NDUFS6: variants seen among roughly 807,000 people sequenced by gnomAD.
NDUFS6 encodes NADH:ubiquinone oxidoreductase subunit S6, also known as NADH dehydrogenase [ubiquinone] iron-sulfur protein 6, mitochondrial.
NDUFS6 carries 14 observed loss-of-function variants against 13.2 expected under a neutral mutation model. The observed-to-expected ratio is 1.06, with a 90% confidence interval of 0.70 to 1.66. The LOEUF (loss-of-function observed/expected upper bound fraction) is 1.66, where lower values mean the gene tolerates loss of function less well. Among genes scored for constraint, NDUFS6 ranks in the 40% most tolerant of loss-of-function variants. The pLI, the probability that NDUFS6 is intolerant of heterozygous loss-of-function variation, is 0.00. For missense variants in NDUFS6, 206 were observed against 170.8 expected, an observed-to-expected ratio of 1.21 and a Z score of -1.15; for synonymous variants, 95 against 72.3, an observed-to-expected ratio of 1.31 and a Z score of -1.60.
At chr5:1,808,367 G>A (rs1734160598) in intron 2 of NDUFS6, among the ~76,000 whole-genome samples, 2 of 152,158 alleles carry the variant, frequency 1.3e-5, no homozygotes, top group South Asian at 2.1e-4. Context: ...GAAGGCAATC[G>A]GATTTTAAAA....
At chr5:1,807,109 T>TATGAGGTACTCAGAGGTACTGC (rs1237305319) in intron 2 of NDUFS6, among the ~76,000 whole-genome samples, 2 of 12,596 alleles carry the variant, frequency 1.6e-4, no homozygotes, top group East Asian at 6.0e-3. Context: ...AGAAGTACTG[T>TATGAGGTACTCAGAGGTACTGC]ATGAGGTACT....
chr5:1,807,809 C>T (rs1210591813), intron 2 of NDUFS6, among the ~76,000 whole-genome samples: 2 of 152,238 alleles, frequency 1.3e-5, no homozygotes, highest in Non-Finnish European at 2.9e-5. Flanking sequence ...CTGTTGGTCA[C>T]AGGAGGGATG....
Position 1,815,895 on chromosome 5 carries a change from G to GCC in NDUFS6, c.354_355insCC (p.Phe119ProfsTer30). ...GCACATGCGGTTACTGTGGGCTCCA[G>GCC]TTCAGACAGCACCACCACTAGAGCG... On this transcript the variant is annotated frameshift_variant, in exon 4 of 4. Coordinates refer to ENST00000274137, the MANE Select transcript of NDUFS6 (RefSeq NM_004553.6). LOFTEE classifies it high-confidence loss of function. The GCC allele has an allele frequency of 6.2e-7, 1 of 1,614,282 alleles. No individual in the cohort carries two copies. The highest frequency in any genetic ancestry group is 1.1e-5 in the South Asian group (1 of 91,090).
In NDUFS6 at chr5:1,810,696, G is replaced by A. The variant is rs115881262; in HGVS notation, c.187-3643G>A. Among the ~76,000 whole-genome samples, 1,091 of 152,228 alleles carry A rather than the reference G, an allele frequency of 7.2e-3. 11 individuals carry two copies. The highest frequency in any genetic ancestry group is 0.025 in the African/African-American group (1,033 of 41,530). ...ACAATTACCAACCGAAGTAGTTGTC[G>A]GAGGGGCCAGTCTGGCTCAGCTCCT... On this transcript the variant is annotated intron_variant, in intron 2 of 3. Coordinates refer to ENST00000274137, the MANE Select transcript of NDUFS6 (RefSeq NM_004553.6).
intron 1 of NDUFS6, chr5:1,802,089 T>C: frequency 1.9e-6 from 1 of 537,430 alleles, no homozygotes; most frequent in South Asian, 2.2e-5. Context: ...TAGCTCCACC[T>C]TCCCGGGCTA....
rs774510118 is a variant in NDUFS6 at position 1,814,559 on chromosome 5, C to A, written c.309+98C>A. ...CTGTTCTTTCTGTCCTCTTCTCTAC[C>A]TGCTCCCGAGGCGGCCCTTACGGGG... On this transcript the variant is annotated intron_variant, in intron 3 of 3. Transcript: ENST00000274137. The surrounding 1 kb of genome is among the most constrained non-coding windows in gnomAD (Gnocchi z 4.9). The A allele has an allele frequency of 1.1e-4, 180 of 1,578,952 alleles. No homozygotes were observed. Among genetic ancestry groups the A allele is most frequent in the Middle Eastern group, 8.3e-4 (5 of 6,046 alleles).
In NDUFS6 at chr5:1,814,848, G is replaced by A. The variant is rs979159169; in HGVS notation, c.309+387G>A. ...GGCTGCAGCCCAAGACCACCGTGCC[G>A]CTCTGTGGGTTCCTCCTGGGGCCTC... On this transcript the variant is annotated intron_variant, in intron 3 of 3. Transcript: ENST00000274137. The surrounding 1 kb of genome is among the most constrained non-coding windows in gnomAD (Gnocchi z 4.9). The A allele has an allele frequency of 9.8e-6, 6 of 615,012 alleles. 1 individual carries two copies. The highest frequency in any genetic ancestry group is 8.6e-4 in the Middle Eastern group (2 of 2,326). The allele number at this position is 615,012 out of a possible 1,614,324, so 38.1% of individuals were successfully genotyped here. A position where few individuals can be genotyped will look rare whatever the true frequency, so the allele number is the denominator to read the frequency against.
intron 2 of NDUFS6, among the ~76,000 whole-genome samples, chr5:1,807,633 G>T (rs774628894): frequency 6.6e-6 from 1 of 152,226 alleles, no homozygotes; most frequent in Non-Finnish European, 1.5e-5. Context: ...ACCTCCAGAG[G>T]CTCTGCACAC....
Position 1,811,573 on chromosome 5 carries a change from C to T in NDUFS6, c.187-2766C>T, listed in dbSNP as rs374526071. Among the ~76,000 whole-genome samples the T allele has an allele frequency of 7.4e-4, 112 of 152,328 alleles. 2 individuals are homozygous for T. Among genetic ancestry groups the T allele is most frequent in the East Asian group, 5.6e-3 (29 of 5,190 alleles). On this transcript the variant is annotated intron_variant, in intron 2 of 3. Transcript: ENST00000274137. The stretch of plus-strand genomic sequence containing the variant: ...TCTCTTTTAATCTGTAGGTTCCCAT[C>T]GGTCTCCCACTCTCTTTCTCATTGG...
chr5:1,812,889 C>T (rs1734241235), intron 2 of NDUFS6, among the ~76,000 whole-genome samples: 1 of 152,060 alleles, frequency 6.6e-6, no homozygotes, highest in African/African-American at 2.4e-5. Context: ...CCTGTCTCTA[C>T]TAAAAATACA....
rs751174411 is a variant in NDUFS6, at chr5:1,810,302, T to TG, written c.187-4036dup. Reference sequence around the variant, plus strand: ...GGGGCTGGCCCTCCAGGAGGGGACATGCAGGTAGACCCACATCCCTGGGCT... The same window carrying TG: ...GGGGCTGGCCCTCCAGGAGGGGACATGGCAGGTAGACCCACATCCCTGGGCT... On this transcript the variant is annotated intron_variant, in intron 2 of 3. Transcript: ENST00000274137. Among the ~76,000 whole-genome samples the TG allele has an allele frequency of 1.1e-4, 16 of 152,322 alleles. No homozygotes were observed. In the East Asian group the frequency reaches 2.9e-3, roughly 28 times the overall value.
At chr5:1,808,405 G>GAAA (rs1288689148) in intron 2 of NDUFS6, among the ~76,000 whole-genome samples, 2 of 152,292 alleles carry the variant, frequency 1.3e-5, no homozygotes, top group African/African-American at 4.8e-5. Flanking sequence ...TAAGAACCGT[G>GAAA]GGTCTTTGCT....
rs797045734 is a variant in NDUFS6 at position 1,801,421 on chromosome 5, G to A, written c.4G>A (p.Ala2Thr). The change falls in exon 1 of 4, where the codon GCG becomes ACG. Residue 2 changes from alanine (A) to threonine (T), a missense_variant. Physicochemically the swap from Ala to Thr is moderately conservative, Grantham distance 58. Transcript: ENST00000274137. M[A>T]AAMTFCRLLN... ...GGTCAAAGGCCAGCGGCGCAAAATG[G>A]CGGCGGCGATGACCTTCTGCCGGCT... 2.5e-6 allele frequency: 4 copies of A among 1,605,162 alleles called. No homozygotes were observed. In the East Asian group the frequency reaches 8.9e-5, roughly 36 times the overall value.
chr5:1,814,604 C>A lies in NDUFS6; in HGVS notation c.309+143C>A, dbSNP rs749321790. On this transcript the variant is annotated intron_variant, in intron 3 of 3. Transcript: ENST00000274137. This position sits in a 1 kb window ranked among gnomAD's most constrained non-coding sequence, Gnocchi z 4.9. ...ACGGGGTTCACACTGCTGGCACATT[C>A]ACCCTACAGCGCCACACTACAGGGC... The A allele has an allele frequency of 2.4e-6, 3 of 1,256,880 alleles. No individual in the cohort carries two copies. The highest frequency in any genetic ancestry group is 1.5e-5 in the African/African-American group (1 of 67,494). 77.9% of individuals were successfully genotyped at this position (1,256,880 alleles called of 1,614,324 possible). A position where few individuals can be genotyped will look rare whatever the true frequency, so the allele number is the denominator to read the frequency against.
intron 2 of NDUFS6, among the ~76,000 whole-genome samples, chr5:1,809,110 A>T (rs1268690668): frequency 1.3e-5 from 2 of 152,326 alleles, no homozygotes; most frequent in Admixed American, 6.5e-5. Flanking sequence ...TTAAACCTAC[A>T]TATCTTTATG....
intron 2 of NDUFS6, among the ~76,000 whole-genome samples, chr5:1,810,168 C>G (rs1396190762): frequency 6.6e-6 from 1 of 152,222 alleles, no homozygotes; most frequent in Non-Finnish European, 1.5e-5. Flanking sequence ...TTGCTGCTTC[C>G]ACTCTGGGGC....
At position 1,814,025 on chromosome 5, in the gene NDUFS6, G is replaced by A. The variant is rs1734262914; in HGVS notation, c.187-314G>A. On this transcript the variant is annotated intron_variant, in intron 2 of 3. Coordinates refer to ENST00000274137, the MANE Select transcript of NDUFS6 (RefSeq NM_004553.6). The surrounding 1 kb of genome is among the most constrained non-coding windows in gnomAD (Gnocchi z 4.9). ...ATGTCCTCAGGTGGGACAGAACGATGTGGTGGGGAGAAGAGGGCGTGGCAG... is the reference window on the plus strand; with the variant it reads ...ATGTCCTCAGGTGGGACAGAACGATATGGTGGGGAGAAGAGGGCGTGGCAG... Among the ~76,000 whole-genome samples, 1 of 152,228 alleles carries A rather than the reference G, an allele frequency of 6.6e-6. No homozygotes were observed. Among genetic ancestry groups the A allele is most frequent in the Non-Finnish European group, 1.5e-5 (1 of 68,046 alleles).
At chr5:1,804,896 A>G (rs1247399588) in intron 2 of NDUFS6, among the ~76,000 whole-genome samples, 1 of 152,198 alleles carries the variant, frequency 6.6e-6, no homozygotes, top group East Asian at 1.9e-4. Context: ...ATGTGTAATG[A>G]CATGTATTCA....
chr5:1,804,204 CT>C (rs1316994551), intron 2 of NDUFS6, among the ~76,000 whole-genome samples: 2 of 152,190 alleles, frequency 1.3e-5, no homozygotes, highest in African/African-American at 4.8e-5. Flanking sequence ...TCCTGAAGCC[CT>C]TGGGCTCATT....
Sources: allele counts gnomAD v4.1 joint callset (sites outside exome capture counted in the v4.1 genomes callset), GRCh38; gene constraint gnomAD v4.1.1; non-coding constraint Gnocchi (gnomAD v3.1); transcripts MANE v1.5; gene names NCBI Gene and HGNC (gene_info 2026-07-23, HGNC 2026-07-21).